PRR16: variants seen among roughly 807,000 people sequenced by gnomAD.
PRR16 encodes protein Largen.
PRR16 carries 6 observed loss-of-function variants against 18.2 expected under a neutral mutation model. The ratio of observed to expected loss-of-function variants is 0.33; its 90% CI spans 0.18 to 0.65. PRR16 has a LOEUF of 0.65. PRR16 is among the 30% of genes least tolerant of loss of function. The pLI, the probability that PRR16 is intolerant of heterozygous loss-of-function variation, is 0.74. For missense variants in PRR16, 412 were observed against 376.6 expected (o/e 1.09, Z -0.78); for synonymous variants, 151 against 147.8 (o/e 1.02, Z -0.16).
chr5:120,763,741 TG>T, the PRR16 span, among the ~76,000 whole-genome samples: 4 of 152,142 alleles, frequency 2.6e-5, no homozygotes, highest in African/African-American at 7.2e-5. Flanking sequence ...ATCAGTTTTT[TG>T]TAAGTTTACT....
chr5:120,504,368 A>G (rs1352482015), intron 1 of PRR16, among the ~76,000 whole-genome samples: 2 of 152,222 alleles, frequency 1.3e-5, no homozygotes, highest in Non-Finnish European at 2.9e-5. Context: ...GAGACAAAAC[A>G]AAAGGGTCAG....
At chr5:120,679,769 T>C (rs1388992598) in intron 1 of PRR16, among the ~76,000 whole-genome samples, 1 of 152,110 alleles carries the variant, frequency 6.6e-6, no homozygotes, top group East Asian at 1.9e-4. Flanking sequence ...AAATATTGCA[T>C]GATCTTACTT....
the PRR16 span, among the ~76,000 whole-genome samples, chr5:120,744,958 G>A: frequency 1.4e-4 from 22 of 152,130 alleles, no homozygotes; most frequent in African/African-American, 2.9e-4. Flanking sequence ...ATCCTAATCC[G>A]TGCCAGAAGA....
intron 1 of PRR16, among the ~76,000 whole-genome samples, chr5:120,588,180 T>C (rs1753513880): frequency 6.6e-6 from 1 of 152,222 alleles, no homozygotes; most frequent in Admixed American, 6.6e-5. Context: ...CAAAGTGGTT[T>C]CTTGAGATGA....
the PRR16 span, among the ~76,000 whole-genome samples, chr5:120,782,882 T>C: frequency 6.6e-6 from 1 of 152,170 alleles, no homozygotes; most frequent in African/African-American, 2.4e-5. Flanking sequence ...TTTCAGGGTA[T>C]CAGGTGCTTA....
intron 1 of PRR16, among the ~76,000 whole-genome samples, chr5:120,651,505 A>C (rs1294474901): frequency 6.6e-6 from 1 of 152,178 alleles, no homozygotes; most frequent in African/African-American, 2.4e-5. Context: ...TAATTTTCAT[A>C]TAAGGTGTAA....
At chr5:120,514,531 T>C (rs1750926015) in intron 1 of PRR16, among the ~76,000 whole-genome samples, 1 of 152,244 alleles carries the variant, frequency 6.6e-6, no homozygotes, top group Admixed American at 6.5e-5. Flanking sequence ...AAAGAAGTCA[T>C]GTAGTAAGTA....
chr5:120,572,173 CATATT>C (rs1752929458), intron 1 of PRR16, among the ~76,000 whole-genome samples: 1 of 152,150 alleles, frequency 6.6e-6, no homozygotes, highest in African/African-American at 2.4e-5. Context: ...AGGAGTCTCT[CATATT>C]GTATTGGTCA....
chr5:120,647,668 G>A (rs1755644324), intron 1 of PRR16, among the ~76,000 whole-genome samples: 1 of 151,988 alleles, frequency 6.6e-6, no homozygotes, highest in Non-Finnish European at 1.5e-5. Flanking sequence ...TTTAAAACCT[G>A]TAATTGCTTT....
intron 1 of PRR16, among the ~76,000 whole-genome samples, chr5:120,629,324 A>T (rs1174075224): frequency 1.3e-5 from 2 of 152,088 alleles, no homozygotes; most frequent in Non-Finnish European, 2.9e-5. Context: ...TTTTGAGTAT[A>T]TACTCAATAA....
At chr5:120,503,423 A>G (rs1750531336) in intron 1 of PRR16, among the ~76,000 whole-genome samples, 1 of 152,226 alleles carries the variant, frequency 6.6e-6, no homozygotes, top group Admixed American at 6.5e-5. Context: ...GAATGCCCTA[A>G]TAGAAATAAT....
At chr5:120,674,195 T>G (rs181960735) in intron 1 of PRR16, among the ~76,000 whole-genome samples, 1 of 152,230 alleles carries the variant, frequency 6.6e-6, no homozygotes, top group African/African-American at 2.4e-5. Flanking sequence ...TTTACCAATA[T>G]AGAAAAAAAT....
At chr5:120,687,591 A>T (rs1396948013), downstream of PRR16, among the ~76,000 whole-genome samples, 1 of 152,126 alleles carries the variant, frequency 6.6e-6, no homozygotes, top group African/African-American at 2.4e-5. Flanking sequence ...AAACTATTAC[A>T]TTGAGGCTGT....
At chr5:120,545,843 A>G (rs955093323) in intron 1 of PRR16, among the ~76,000 whole-genome samples, 7 of 152,224 alleles carry the variant, frequency 4.6e-5, no homozygotes, top group Admixed American at 2.6e-4. Flanking sequence ...AATTGAAGGA[A>G]TATGTCATTC....
the PRR16 span, among the ~76,000 whole-genome samples, chr5:120,777,069 G>T: frequency 1.3e-5 from 2 of 152,078 alleles, no homozygotes; most frequent in East Asian, 3.9e-4. Context: ...CCACAGCTTG[G>T]TCCCCAAGCT....
intron 1 of PRR16, among the ~76,000 whole-genome samples, chr5:120,519,398 G>T (rs998995258): frequency 6.6e-6 from 1 of 152,086 alleles, no homozygotes; most frequent in Non-Finnish European, 1.5e-5. Context: ...CTTCTTAGAC[G>T]TGAACTGATT....
At chr5:120,562,839 T>C (rs1752618487) in intron 1 of PRR16, among the ~76,000 whole-genome samples, 1 of 152,198 alleles carries the variant, frequency 6.6e-6, no homozygotes, top group South Asian at 2.1e-4. Context: ...TTGTATTGTC[T>C]ATGTCTTAAA....
the PRR16 span, among the ~76,000 whole-genome samples, chr5:120,730,898 C>G: frequency 1.3e-5 from 2 of 152,164 alleles, no homozygotes; most frequent in South Asian, 4.1e-4. Flanking sequence ...ATCTTTTGCT[C>G]TTTTTATTGC....
At chr5:120,647,404 G>A (rs1174283267) in intron 1 of PRR16, among the ~76,000 whole-genome samples, 1 of 151,470 alleles carries the variant, frequency 6.6e-6, no homozygotes, top group Non-Finnish European at 1.5e-5. Flanking sequence ...AAAAAAAAAA[G>A]AGATTTCATA....
Sources: allele counts gnomAD v4.1 joint callset (sites outside exome capture counted in the v4.1 genomes callset), GRCh38; gene constraint gnomAD v4.1.1; transcripts MANE v1.5; gene names NCBI Gene and HGNC (gene_info 2026-07-23, HGNC 2026-07-21).